CNTN5: variants seen among roughly 807,000 people sequenced by gnomAD.
CNTN5 encodes contactin 5.
CNTN5 carries 77 observed loss-of-function variants against 129.1 expected under a neutral mutation model. That is an observed-to-expected ratio of 0.60 (90% CI 0.50 to 0.72). The LOEUF (loss-of-function observed/expected upper bound fraction) is 0.72. Among genes scored for constraint, CNTN5 ranks in the 30% least tolerant of loss-of-function variants. CNTN5 has a pLI of 0.00. For synonymous variants in CNTN5, 509 were observed against 465.6 expected (o/e 1.09, Z -1.20); for missense variants, 1,478 against 1,328.8 (o/e 1.11, Z -1.75).
intron 13 of CNTN5, among the ~76,000 whole-genome samples, chr11:100,151,588 C>G (rs1455146196): frequency 2.0e-5 from 3 of 152,058 alleles, no homozygotes; most frequent in Non-Finnish European, 4.4e-5. Context: ...TATAGGTTTC[C>G]CTACGTTAAT....
chr11:99,706,853 T>TC (rs1325913606), intron 3 of CNTN5, among the ~76,000 whole-genome samples: 4 of 150,224 alleles, frequency 2.7e-5, no homozygotes, highest in African/African-American at 7.3e-5. Context: ...TTTTTTTTTT[T>TC]TAAGCTATAA....
chr11:99,138,240 C>T (rs1402038159), intron 1 of CNTN5, among the ~76,000 whole-genome samples: 2 of 152,044 alleles, frequency 1.3e-5, no homozygotes, highest in East Asian at 1.9e-4. Flanking sequence ...TTATTATTAG[C>T]ATTTTTAAAA....
chr11:100,340,000 C>G (rs1197258684), intron 21 of CNTN5, among the ~76,000 whole-genome samples: 2 of 152,190 alleles, frequency 1.3e-5, no homozygotes, highest in Non-Finnish European at 2.9e-5. Flanking sequence ...TCTACCACCT[C>G]TTCTCCATTA....
chr11:99,076,868 A>C lies in CNTN5; in HGVS notation c.-210+55598A>C, dbSNP rs563904901. On this transcript the variant is annotated intron_variant, in intron 1 of 24. Transcript: ENST00000524871. ...CAGGGAAAATAGTTCTGTATTTTCCAATGCTTGAAAATTACAGCTCATTGT... is the reference window on the plus strand; with the variant it reads ...CAGGGAAAATAGTTCTGTATTTTCCCATGCTTGAAAATTACAGCTCATTGT... Among the ~76,000 whole-genome samples the C allele has an allele frequency of 2.4e-3, 359 of 152,306 alleles. 2 individuals are homozygous for C. The highest frequency in any genetic ancestry group is 6.8e-3 in the Middle Eastern group (2 of 294).
At chr11:99,217,279 AG>A (rs1200908040) in intron 1 of CNTN5, among the ~76,000 whole-genome samples, 4 of 9,242 alleles carry the variant, frequency 4.3e-4, no homozygotes, top group Non-Finnish European at 7.5e-4. Context: ...ATCTGTCTTA[AG>A]ACATTTATCA....
chr11:99,524,881 A>G (rs1163062631), intron 2 of CNTN5, among the ~76,000 whole-genome samples: 1 of 152,186 alleles, frequency 6.6e-6, no homozygotes, highest in Non-Finnish European at 1.5e-5. Flanking sequence ...AAATACTAAA[A>G]TCCTTCCATC....
chr11:99,282,797 T>G (rs1863758616), intron 1 of CNTN5, among the ~76,000 whole-genome samples: 1 of 152,056 alleles, frequency 6.6e-6, no homozygotes, highest in Admixed American at 6.6e-5. Flanking sequence ...AAACCCCTAC[T>G]TAGATTCCTG....
intron 1 of CNTN5, among the ~76,000 whole-genome samples, chr11:99,232,144 T>A (rs1181945686): frequency 6.6e-6 from 1 of 152,188 alleles, no homozygotes; most frequent in Non-Finnish European, 1.5e-5. Flanking sequence ...TCTTTGTTGG[T>A]TCCATATGAA....
At chr11:99,915,011 AT>A (rs1317970340) in intron 6 of CNTN5, among the ~76,000 whole-genome samples, 4 of 152,090 alleles carry the variant, frequency 2.6e-5, no homozygotes, top group Non-Finnish European at 5.9e-5. Context: ...AAAGCATATT[AT>A]TTTAGCATGA....
At chr11:99,508,928 G>C (rs531518616) in intron 2 of CNTN5, among the ~76,000 whole-genome samples, 1 of 152,046 alleles carries the variant, frequency 6.6e-6, no homozygotes, top group African/African-American at 2.4e-5. Flanking sequence ...TGATCAGCCC[G>C]CCGCAGCCTC....
chr11:99,952,431 G>A (rs557908286), intron 7 of CNTN5, among the ~76,000 whole-genome samples: 3 of 152,236 alleles, frequency 2.0e-5, no homozygotes, highest in East Asian at 3.9e-4. Context: ...AAATGCTCCT[G>A]ACATATACTC....
chr11:100,011,273 T>A lies in CNTN5; in HGVS notation c.980+9137T>A, dbSNP rs545474816. Among the ~76,000 whole-genome samples the A allele has an allele frequency of 4.7e-4, 71 of 152,160 alleles. No individual in the cohort carries two copies. In the South Asian group the frequency reaches 8.5e-3, roughly 18 times the overall value. On this transcript the variant is annotated intron_variant, in intron 9 of 24. Coordinates refer to ENST00000524871, the MANE Select transcript of CNTN5 (RefSeq NM_014361.4). ...AGAGCACTAGATATGTCAACTAGCC[T>A]CCAACAGAAACAGAAGTAAAATCTG...
chr11:99,037,576 CT>C (rs1161467398), intron 1 of CNTN5, among the ~76,000 whole-genome samples: 1,831 of 105,604 alleles, frequency 0.017, 40 homozygotes, highest in African/African-American at 0.05. Flanking sequence ...TTTTTCTTTT[CT>C]TTTTTTTTTT....
intron 2 of CNTN5, among the ~76,000 whole-genome samples, chr11:99,541,956 C>CAAAAAAAA (rs56363127): frequency 3.9e-3 from 270 of 68,696 alleles, no homozygotes; most frequent in South Asian, 4.5e-3. Context: ...GATCTTGTCT[C>CAAAAAAAA]AAAAAAAAAA....
intron 3 of CNTN5, among the ~76,000 whole-genome samples, chr11:99,619,899 G>A (rs934191315): frequency 6.6e-5 from 10 of 151,642 alleles, no homozygotes; most frequent in African/African-American, 1.9e-4. Flanking sequence ...GGTGGCGGGC[G>A]CCTGTAGTCC....
intron 6 of CNTN5, among the ~76,000 whole-genome samples, chr11:99,848,461 A>T (rs1947772419): frequency 1.3e-5 from 2 of 152,144 alleles, no homozygotes; most frequent in Admixed American, 1.3e-4. Flanking sequence ...AATATTTCAA[A>T]ATTAATATAT....
chr11:100,024,036 T>C (rs1941290593), intron 9 of CNTN5, among the ~76,000 whole-genome samples: 1 of 152,214 alleles, frequency 6.6e-6, no homozygotes, highest in Admixed American at 6.5e-5. Flanking sequence ...AGGAGGGTGA[T>C]ACAGCTAGGC....
intron 3 of CNTN5, among the ~76,000 whole-genome samples, chr11:99,577,713 T>C (rs531945282): frequency 5.8e-4 from 89 of 152,236 alleles, no homozygotes; most frequent in Non-Finnish European, 1.1e-3. Context: ...GACATATATA[T>C]TGAAAACAAA....
intron 2 of CNTN5, among the ~76,000 whole-genome samples, chr11:99,474,550 T>G (rs1157349862): frequency 1.3e-5 from 2 of 152,138 alleles, no homozygotes; most frequent in African/African-American, 2.4e-5. Flanking sequence ...TGACAATTTA[T>G]TTTATTTATT....
Sources: allele counts gnomAD v4.1 joint callset (sites outside exome capture counted in the v4.1 genomes callset), GRCh38; gene constraint gnomAD v4.1.1; transcripts MANE v1.5; gene names NCBI Gene and HGNC (gene_info 2026-07-23, HGNC 2026-07-21).